SPACA7: variants seen among roughly 807,000 people sequenced by gnomAD.
The protein encoded by SPACA7 is sperm acrosome associated 7, also known as sperm acrosome-associated protein 7.
A neutral mutation model predicts 26.3 loss-of-function variants in SPACA7; 19 were observed. The observed-to-expected ratio is 0.72, with a 90% CI of 0.50 to 1.06. The LOEUF (loss-of-function observed/expected upper bound fraction) is 1.06. Ranked by LOEUF, SPACA7 falls within the 50% of genes least tolerant of loss-of-function variation. The pLI is 0.00. For missense variants in SPACA7, 211 were observed against 229.9 expected (o/e 0.92, Z 0.53); for synonymous variants, 84 against 84.5 (o/e 0.99, Z 0.04).
intron 1 of SPACA7, among the ~76,000 whole-genome samples, chr13:112,380,461 T>C (rs541260821): frequency 2.6e-5 from 4 of 151,910 alleles, no homozygotes; most frequent in Non-Finnish European, 5.9e-5. Context: ...TTTGGCCTTT[T>C]AGCAGACAGA....
At position 112,399,073 on chromosome 13, in the gene SPACA7, T is replaced by A; in HGVS notation, c.249T>A (p.Gly83=). ...ASTLSTPLHA[G]IDENYQAGGS... ...CCATGTTCTTCATTGAAGATGCTGG[T>A]ATTGATGAGAATTATCAAGCTGGTG... The change falls in exon 4 of 7, where the codon GGT becomes GGA. Residue 83 remains glycine (G), a synonymous_variant. Coordinates refer to ENST00000283550, the MANE Select transcript of SPACA7 (RefSeq NM_145248.5). 1 of 1,594,474 alleles carries A rather than the reference T, an allele frequency of 6.3e-7. No individual in the cohort carries two copies.
intron 5 of SPACA7, among the ~76,000 whole-genome samples, chr13:112,424,506 T>A (rs2139058008): frequency 6.6e-6 from 1 of 152,194 alleles, no homozygotes; most frequent in African/African-American, 2.4e-5. Flanking sequence ...ACAATGGCAT[T>A]GTGTTGGGGG....
chr13:112,415,952 G>A (rs896701181), intron 5 of SPACA7, among the ~76,000 whole-genome samples: 3 of 151,934 alleles, frequency 2.0e-5, no homozygotes, highest in Non-Finnish European at 2.9e-5. Context: ...GTTCCACTGT[G>A]GTGAGGCCAG....
intron 5 of SPACA7, among the ~76,000 whole-genome samples, chr13:112,418,886 A>T (rs1170463513): frequency 6.6e-6 from 1 of 152,046 alleles, no homozygotes; most frequent in East Asian, 1.9e-4. Context: ...AGCCAGGTGC[A>T]GTGGTGGGTG....
chr13:112,409,025 C>T (rs1158992540), intron 5 of SPACA7, among the ~76,000 whole-genome samples: 3 of 152,114 alleles, frequency 2.0e-5, no homozygotes, highest in Non-Finnish European at 4.4e-5. Flanking sequence ...AGATATAGAC[C>T]AATGGAACAG....
intron 1 of SPACA7, among the ~76,000 whole-genome samples, chr13:112,378,112 C>A (rs1186584802): frequency 6.6e-6 from 1 of 152,074 alleles, no homozygotes; most frequent in Non-Finnish European, 1.5e-5. Flanking sequence ...CAGATGGTCC[C>A]ACGGAAGGCC....
chr13:112,377,731 G>C (rs1014218164), intron 1 of SPACA7, among the ~76,000 whole-genome samples: 13 of 152,156 alleles, frequency 8.5e-5, no homozygotes, highest in Admixed American at 3.3e-4. Flanking sequence ...AAGGAGCGAG[G>C]CTTTCTCATT....
intron 2 of SPACA7, among the ~76,000 whole-genome samples, chr13:112,395,221 G>A (rs1419494995): frequency 9.2e-5 from 14 of 152,340 alleles, no homozygotes; most frequent in African/African-American, 1.9e-4. Flanking sequence ...CTCATCAGAC[G>A]GGCGGTGAGG....
chr13:112,397,203 G>A (rs72669291), intron 2 of SPACA7, among the ~76,000 whole-genome samples: 1,756 of 152,292 alleles, frequency 0.012, 16 homozygotes, highest in Non-Finnish European at 0.017. Context: ...AATTCTGCAT[G>A]AGCTGGTCCT....
intron 1 of SPACA7, among the ~76,000 whole-genome samples, chr13:112,392,270 C>T (rs1486651807): frequency 6.6e-6 from 1 of 152,194 alleles, no homozygotes; most frequent in Non-Finnish European, 1.5e-5. Context: ...AACCGCCACC[C>T]ACTCTCAGGG....
At chr13:112,382,510 G>A (rs976003125) in intron 1 of SPACA7, 1 of 1,550,228 alleles carries the variant, frequency 6.5e-7, no homozygotes, top group Non-Finnish European at 8.7e-7. Flanking sequence ...ACCCCAAGGT[G>A]AGAACAGTGG....
chr13:112,389,249 A>G (rs1359112386), intron 1 of SPACA7, among the ~76,000 whole-genome samples: 4 of 152,248 alleles, frequency 2.6e-5, no homozygotes, highest in South Asian at 2.1e-4. Context: ...GGTTAAAAGC[A>G]TAATGGAGCC....
At position 112,392,318 on chromosome 13, in the gene SPACA7, G is replaced by A. The variant is rs1221633600; in HGVS notation, c.95-703G>A. ...GTCAGCTCCCATCAGTCAGGCAGCC[G>A]AGGCCACAGGTCAGGAGGCCACGGG... On this transcript the variant is annotated intron_variant, in intron 1 of 6. Transcript: ENST00000283550. 2.6e-5 allele frequency among the ~76,000 whole-genome samples: 4 copies of A among 152,166 alleles called. 1 individual carries two copies. In the South Asian group the frequency reaches 8.3e-4, roughly 32 times the overall value.
intron 1 of SPACA7, among the ~76,000 whole-genome samples, chr13:112,389,866 T>C (rs1884764353): frequency 6.6e-6 from 1 of 152,238 alleles, no homozygotes; most frequent in African/African-American, 2.4e-5. Context: ...GGGCTAAAGA[T>C]TTTTCTTTCT....
At chr13:112,422,643 T>C (rs1299951593) in intron 5 of SPACA7, among the ~76,000 whole-genome samples, 1 of 152,212 alleles carries the variant, frequency 6.6e-6, no homozygotes, top group Non-Finnish European at 1.5e-5. Context: ...GAAAATGATG[T>C]GGGGAAATCC....
At chr13:112,409,617 G>A (rs866688664) in intron 5 of SPACA7, among the ~76,000 whole-genome samples, 60 of 152,270 alleles carry the variant, frequency 3.9e-4, no homozygotes, top group African/African-American at 1.3e-3. Context: ...ATGAAAAAAT[G>A]CTCATCATCA....
chr13:112,411,596 C>T (rs1886355005), intron 5 of SPACA7, among the ~76,000 whole-genome samples: 1 of 152,088 alleles, frequency 6.6e-6, no homozygotes, highest in Admixed American at 6.6e-5. Flanking sequence ...TTTCCTTCTC[C>T]CCTTTTACCT....
chr13:112,418,853 C>T (rs1886848365), intron 5 of SPACA7, among the ~76,000 whole-genome samples: 2 of 151,826 alleles, frequency 1.3e-5, no homozygotes, highest in Non-Finnish European at 2.9e-5. Context: ...ACTTAGAATG[C>T]TGTAAAAAAA....
At chr13:112,411,418 C>T (rs1886343042) in intron 5 of SPACA7, among the ~76,000 whole-genome samples, 1 of 152,152 alleles carries the variant, frequency 6.6e-6, no homozygotes, top group Non-Finnish European at 1.5e-5. Context: ...CCACCTCAAT[C>T]ATTTATCATT....
Sources: allele counts gnomAD v4.1 joint callset (sites outside exome capture counted in the v4.1 genomes callset), GRCh38; gene constraint gnomAD v4.1.1; transcripts MANE v1.5; gene names NCBI Gene and HGNC (gene_info 2026-07-23, HGNC 2026-07-21).